BRINP3: variants seen among roughly 807,000 people sequenced by gnomAD.
BRINP3 encodes the protein BMP/retinoic acid-inducible neural-specific protein 3.
A neutral mutation model predicts 71.0 loss-of-function variants in BRINP3; 19 were observed. The observed-to-expected ratio is 0.27, with a 90% CI of 0.19 to 0.39. The LOEUF (loss-of-function observed/expected upper bound fraction) is 0.39. BRINP3 is among the 10% of genes least tolerant of loss of function. BRINP3 has a pLI of 1.00. For missense variants in BRINP3, 959 were observed against 940.8 expected, an observed-to-expected ratio of 1.02 and a Z score of -0.25; for synonymous variants, 380 against 337.7, an observed-to-expected ratio of 1.13 and a Z score of -1.37.
At position 190,365,801 on chromosome 1, in the gene BRINP3, CAA is replaced by C. The variant is rs1242998959; in HGVS notation, c.237-84053_237-84052del. ...TGCTGCGAAGAGTACAATGAGAGAG[CAA>C]GTGTATATATATATATATATATATA... On this transcript the variant is annotated intron_variant, in intron 2 of 7. Coordinates refer to ENST00000367462, the MANE Select transcript of BRINP3 (RefSeq NM_199051.3). 5.3e-5 allele frequency among the ~76,000 whole-genome samples: 3 copies of C among 56,362 alleles called. No individual in the cohort carries two copies. In the East Asian group the frequency reaches 1.6e-3, roughly 31 times the overall value. The allele number at this position is 56,362 out of a possible 152,430, so 37.0% of individuals were successfully genotyped here. A position where few individuals can be genotyped will look rare whatever the true frequency, so the allele number is the denominator to read the frequency against.
At chr1:190,314,819 A>G (rs1484670008) in intron 2 of BRINP3, among the ~76,000 whole-genome samples, 1 of 152,166 alleles carries the variant, frequency 6.6e-6, no homozygotes, top group Non-Finnish European at 1.5e-5. Context: ...ACGCATAAGA[A>G]TTATATAATA....
intron 5 of BRINP3, among the ~76,000 whole-genome samples, chr1:190,230,468 C>T (rs1467818077): frequency 2.6e-5 from 4 of 151,774 alleles, no homozygotes; most frequent in Admixed American, 6.6e-5. Context: ...TTAAAATTTT[C>T]GTTATACATA....
chr1:190,322,091 A>G (rs935518675), intron 2 of BRINP3, among the ~76,000 whole-genome samples: 2 of 152,082 alleles, frequency 1.3e-5, no homozygotes, highest in Non-Finnish European at 2.9e-5. Flanking sequence ...GGGAAATAAT[A>G]GTATTTTAAA....
intron 1 of BRINP3, among the ~76,000 whole-genome samples, chr1:190,470,722 T>C (rs1039156864): frequency 6.0e-5 from 9 of 151,144 alleles, no homozygotes; most frequent in African/African-American, 1.9e-4. Flanking sequence ...TCTCAATTGA[T>C]ACAATCATGG....
In BRINP3 at chr1:190,186,333, C is replaced by T. The variant is rs375210197; in HGVS notation, c.962-25443G>A. Among the ~76,000 whole-genome samples, 535 of 152,210 alleles carry T rather than the reference C, an allele frequency of 3.5e-3. 6 individuals are homozygous for T. Among genetic ancestry groups the T allele is most frequent in the African/African-American group, 0.013 (520 of 41,550 alleles). On this transcript the variant is annotated intron_variant, in intron 6 of 7. Transcript: ENST00000367462. The stretch of plus-strand genomic sequence containing the variant: ...AATGAGCCGAGATGGCACCACTGCA[C>T]TCCAGCCAGGGCAACGAGAGTGAAA...
At chr1:190,111,455 G>C (rs1195224913) in intron 7 of BRINP3, among the ~76,000 whole-genome samples, 1 of 152,044 alleles carries the variant, frequency 6.6e-6, no homozygotes, top group Non-Finnish European at 1.5e-5. Flanking sequence ...TTTGACATTG[G>C]TGCCTATCCA....
chr1:190,308,195 C>T (rs939788713), intron 2 of BRINP3, among the ~76,000 whole-genome samples: 12 of 150,060 alleles, frequency 8.0e-5, no homozygotes, highest in Non-Finnish European at 1.5e-4. Context: ...GACATAAGAA[C>T]ACTTGTATAT....
In BRINP3 at chr1:190,454,717, C is replaced by A. The variant is rs768887766; in HGVS notation, c.174G>T (p.Gln58His). 2 of 1,614,102 alleles carry A rather than the reference C, an allele frequency of 1.2e-6. No individual in the cohort carries two copies. Among genetic ancestry groups the A allele is most frequent in the South Asian group, 1.1e-5 (1 of 91,076 alleles). The change falls in exon 2 of 8, where the codon CAG becomes CAT. Residue 58 changes from glutamine to histidine, a missense_variant. Physicochemically the swap from Gln to His is conservative, Grantham distance 24 (BLOSUM62 0). Transcript: ENST00000367462. ...LSDKGPFHRS[Q>H]EYTDFVDRSR... ...TTCTGTCCACAAAATCTGTGTATTC[C>A]TGTGAGCGATGGAAGGGTCCCTTAT...
At chr1:190,195,840 T>C (rs1571329103) in intron 6 of BRINP3, among the ~76,000 whole-genome samples, 1 of 152,116 alleles carries the variant, frequency 6.6e-6, no homozygotes. Context: ...ATATCCATAA[T>C]TGGAGTTCTT....
chr1:190,146,223 A>C (rs1655876735), intron 7 of BRINP3, among the ~76,000 whole-genome samples: 1 of 152,164 alleles, frequency 6.6e-6, no homozygotes, highest in African/African-American at 2.4e-5. Context: ...AAAGAGCATA[A>C]AAGTTCACTT....
In BRINP3 at chr1:190,119,124, A is replaced by G. The variant is rs190575231; in HGVS notation, c.1185-19990T>C. On this transcript the variant is annotated intron_variant, in intron 7 of 7. Coordinates refer to ENST00000367462, the MANE Select transcript of BRINP3 (RefSeq NM_199051.3). ...ATTAGCACCTAAATAAAAAGATTGC[A>G]TTCAATTCTGTACTTTTATTATCAG... 1.6e-4 allele frequency among the ~76,000 whole-genome samples: 25 copies of G among 152,258 alleles called. No individual in the cohort carries two copies. In the East Asian group the frequency reaches 3.5e-3, roughly 21 times the overall value.
chr1:190,180,056 A>G (rs1269007943), intron 6 of BRINP3, among the ~76,000 whole-genome samples: 1 of 152,130 alleles, frequency 6.6e-6, no homozygotes, highest in Non-Finnish European at 1.5e-5. Flanking sequence ...TGTCATAAGA[A>G]GGGTTGATGC....
rs1655240808 is a variant in BRINP3 at position 190,203,787 on chromosome 1, ATATATATATATATATAT to A, written c.961+22278_961+22294del. On this transcript the variant is annotated intron_variant, in intron 6 of 7. Coordinates refer to ENST00000367462, the MANE Select transcript of BRINP3 (RefSeq NM_199051.3). ...TATATATATATATATATATATATAT[ATATATATATATATATAT>A]ATATATATATAAATGAAAACAAAGG... is the stretch of plus-strand genomic sequence containing the variant. Among the ~76,000 whole-genome samples, 4 of 105,976 alleles carry A rather than the reference ATATATATATATATATAT, an allele frequency of 3.8e-5. No individual in the cohort carries two copies. The East Asian group carries it at 1.1e-3, about 28-fold the overall frequency. The allele number at this position is 105,976 out of a possible 152,430, so 69.5% of individuals were successfully genotyped here.
At chr1:190,111,860 A>T (rs1652727882) in intron 7 of BRINP3, among the ~76,000 whole-genome samples, 1 of 152,156 alleles carries the variant, frequency 6.6e-6, no homozygotes, top group African/African-American at 2.4e-5. Context: ...CCTTCTGTGA[A>T]TGGAGATTGG....
At chr1:190,351,747 A>G (rs1444339183) in intron 2 of BRINP3, among the ~76,000 whole-genome samples, 2 of 152,078 alleles carry the variant, frequency 1.3e-5, no homozygotes, top group Non-Finnish European at 2.9e-5. Flanking sequence ...TGGGTCAGTA[A>G]TTTCTTATGA....
At chr1:190,396,712 T>TTATATATATATATATATATATATATA (rs1558249085) in intron 2 of BRINP3, among the ~76,000 whole-genome samples, 21 of 38,302 alleles carry the variant, frequency 5.5e-4, no homozygotes, top group African/African-American at 1.6e-3. Flanking sequence ...CCTAATTTAA[T>TTATATATATATATATATATATATATA]GATATATATA....
chr1:190,299,423 T>C (rs1396808453), intron 2 of BRINP3, among the ~76,000 whole-genome samples: 1 of 151,192 alleles, frequency 6.6e-6, no homozygotes, highest in Non-Finnish European at 1.5e-5. Flanking sequence ...CTAAAACATA[T>C]ATATATTTAT....
At chr1:190,288,709 T>A (rs900561510) in intron 2 of BRINP3, among the ~76,000 whole-genome samples, 1 of 151,894 alleles carries the variant, frequency 6.6e-6, no homozygotes, top group African/African-American at 2.4e-5. Context: ...GTGAAGTGGG[T>A]TTTTTGTGCC....
intron 6 of BRINP3, among the ~76,000 whole-genome samples, chr1:190,210,505 T>C (rs1371283748): frequency 6.6e-5 from 10 of 152,102 alleles, no homozygotes. Flanking sequence ...AACAATCCTT[T>C]ACAATAAATA....
Sources: gnomAD v4.1 joint callset for allele counts (sites outside exome capture counted in the v4.1 genomes callset) on GRCh38, gnomAD v4.1.1 for gene constraint, MANE v1.5 for transcripts, NCBI Gene and HGNC (gene_info 2026-07-23, HGNC 2026-07-21) for gene names.